Variants in KIDINS220 observed in about 807,000 individuals in gnomAD.
KIDINS220 encodes the protein kinase D-interacting substrate of 220 kDa.
A neutral mutation model predicts 157.6 loss-of-function variants in KIDINS220; 63 were observed. The observed-to-expected ratio is 0.40, with a 90% CI of 0.33 to 0.49. The LOEUF (loss-of-function observed/expected upper bound fraction) is 0.49. Ranked by LOEUF, KIDINS220 falls within the 20% of genes least tolerant of loss-of-function variation. The pLI, the probability that KIDINS220 is intolerant of heterozygous loss-of-function variation, is 0.66. For missense variants in KIDINS220, 1,772 were observed against 2,171.2 expected (o/e 0.82, Z 3.65); for synonymous variants, 732 against 783.6 (o/e 0.93, Z 1.10).
chr2:8,806,673 C>T lies in KIDINS220; in HGVS notation c.505-304G>A, dbSNP rs184134051. On this transcript the variant is annotated intron_variant, in intron 6 of 29. Coordinates refer to ENST00000256707, the MANE Select transcript of KIDINS220 (RefSeq NM_020738.4). ...TTGGCTCACTGCAATCTCTGCCTCCCGGCTCAAGCAATTCTCCTGCCTCAG... is the reference window on the plus strand; with the variant it reads ...TTGGCTCACTGCAATCTCTGCCTCCTGGCTCAAGCAATTCTCCTGCCTCAG... Among the ~76,000 whole-genome samples the T allele has an allele frequency of 2.2e-4, 33 of 152,242 alleles. No homozygotes were observed. In the East Asian group the frequency reaches 5.8e-3, roughly 27 times the overall value.
At position 8,770,799 on chromosome 2, in the gene KIDINS220, T is replaced by G; in HGVS notation, c.2882A>C (p.Asn961Thr). The G allele has an allele frequency of 6.2e-7, 1 of 1,610,670 alleles. No individual in the cohort carries two copies. The highest frequency in any genetic ancestry group is 8.5e-7 in the Non-Finnish European group (1 of 1,178,320). ...RLLRANQISFNWDRLASWINL... is the reference protein window; with the variant it reads ...RLLRANQISFTWDRLASWINL... ...GATCCAGCTAGCAAGCCTGTCCCAG[T>G]TGAAACTAATCTGATTGGCTCTCAG... Residue 961 changes from asparagine to threonine, a missense_variant, in exon 22 of 30, where the codon AAC (asparagine) becomes ACC (threonine). Around this residue, in one of 3 missense-constraint regions of KIDINS220, gnomAD observed 725 missense variants for 1,017.1 expected, o/e 0.71. Coordinates refer to ENST00000256707, the MANE Select transcript of KIDINS220 (RefSeq NM_020738.4).
At chr2:8,803,700 T>G (rs1255293393) in intron 7 of KIDINS220, among the ~76,000 whole-genome samples, 1 of 152,158 alleles carries the variant, frequency 6.6e-6, no homozygotes, top group Non-Finnish European at 1.5e-5. Context: ...TTTTAAAAAT[T>G]GCACATCTAT....
intron 14 of KIDINS220, 76 bp from the exon 15 acceptor site, chr2:8,788,888 CAAGTAAT>C: frequency 7.5e-7 from 1 of 1,340,434 alleles, no homozygotes; most frequent in Non-Finnish European, 1.0e-6. Flanking sequence ...GATCAAGTAT[CAAGTAAT>C]GAGAGCTAAG....
Position 8,812,448 on chromosome 2 carries a change from C to G in KIDINS220, c.451G>C (p.Asp151His), listed in dbSNP as rs747569686. The G allele has an allele frequency of 1.3e-6, 2 of 1,598,846 alleles. No homozygotes were observed. Among genetic ancestry groups the G allele is most frequent in the Admixed American group, 3.4e-5 (2 of 58,088 alleles). Residue 151 changes from aspartate to histidine, a missense_variant, in exon 6 of 30, where the codon GAT (aspartate) becomes CAT (histidine). Physicochemically the swap from Asp to His is moderately conservative, Grantham distance 81. Coordinates refer to ENST00000256707, the MANE Select transcript of KIDINS220 (RefSeq NM_020738.4). ...TTTTGCAGTAAAAGATGAACTATAT[C>G]TGCATGGCCTCTCCCTGCTGCCCAA... ...IIWAAGRGHA[D>H]IVHLLLQNGA...
At position 8,813,281 on chromosome 2, in the gene KIDINS220, C is replaced by G. The variant is rs181372484; in HGVS notation, c.361G>C (p.Glu121Gln). The part of the protein sequence containing the change: ...ACYKGRTDVV[E>Q]LLLSHGANPS... Reference sequence around the variant, plus strand: ...TTGGCACCATGAGAAAGAAGCAACTCTACTACGTCAGTACGGCCTTTGTAA... The same window carrying G: ...TTGGCACCATGAGAAAGAAGCAACTGTACTACGTCAGTACGGCCTTTGTAA... Residue 121 changes from glutamate to glutamine, a missense_variant, in exon 5 of 30, where the codon GAG (glutamate) becomes CAG (glutamine). By Grantham distance (29) the Glu-to-Gln change is conservative (BLOSUM62 2). Around this residue, in one of 3 missense-constraint regions of KIDINS220, gnomAD observed 254 missense variants for 268.6 expected, o/e 0.95. Transcript: ENST00000256707. 2.0e-4 allele frequency: 318 copies of G among 1,613,630 alleles called. 3 individuals are homozygous for G. Among genetic ancestry groups the G allele is most frequent in the Middle Eastern group, 1.2e-3 (7 of 6,060 alleles).
At chr2:8,834,169 T>C (rs1680050356) in intron 1 of KIDINS220, among the ~76,000 whole-genome samples, 1 of 152,104 alleles carries the variant, frequency 6.6e-6, no homozygotes, top group Admixed American at 6.5e-5. Context: ...TGGCAGCGCT[T>C]GCCCCCTCCA....
chr2:8,752,759 T>C (rs1414570360), intron 22 of KIDINS220, among the ~76,000 whole-genome samples: 1 of 152,184 alleles, frequency 6.6e-6, no homozygotes, highest in Non-Finnish European at 1.5e-5. Flanking sequence ...TGTTTCCTAT[T>C]GTAAAAGTAA....
chr2:8,757,932 G>C (rs1245028400), intron 22 of KIDINS220: 1 of 690,154 alleles, frequency 1.4e-6, no homozygotes. Context: ...GTGCAATCTC[G>C]GCTCACTGCA....
chr2:8,727,299 G>A (rs1017115282), downstream of KIDINS220: 40 of 1,040,832 alleles, frequency 3.8e-5, no homozygotes, highest in Admixed American at 4.7e-5. Context: ...AAGGAGGCTC[G>A]ATGCTCAGTC....
chr2:8,750,102 A>C lies in KIDINS220; in HGVS notation c.3414+10T>G, dbSNP rs555395984. ...ATTCTTAAAAATAAAGCTGCCTCCA[A>C]CTTCCTTACCCTGTTGTAGAAGGGA... On this transcript the variant is annotated intron_variant, in intron 24 of 29. Coordinates refer to ENST00000256707, the MANE Select transcript of KIDINS220 (RefSeq NM_020738.4). 6.2e-7 allele frequency: 1 copy of C among 1,605,312 alleles called. No homozygotes were observed. The highest frequency in any genetic ancestry group is 1.3e-5 in the African/African-American group (1 of 74,622).
At chr2:8,770,632 T>C in intron 22 of KIDINS220, 38 bp downstream of exon 22, 3 of 1,201,082 alleles carry the variant, frequency 2.5e-6, no homozygotes, top group East Asian at 2.5e-5. Context: ...TAACTCAACC[T>C]AAAATAAAGT....
intron 2 of KIDINS220, among the ~76,000 whole-genome samples, chr2:8,822,009 C>T (rs766115732): frequency 2.6e-5 from 4 of 152,202 alleles, no homozygotes; most frequent in African/African-American, 4.8e-5. Context: ...CACAGGATTA[C>T]ATTCCACATA....
At chr2:8,789,754 A>G (rs1672927283) in intron 14 of KIDINS220, 126 bp downstream of exon 14, 4 of 788,082 alleles carry the variant, frequency 5.1e-6, no homozygotes, top group Admixed American at 6.8e-5. Context: ...AAAAAGATCA[A>G]TTTTCTCACC....
At chr2:8,779,183 G>C (rs1671366100) in intron 18 of KIDINS220, 44 bp from the exon 19 acceptor site, 1 of 1,595,028 alleles carries the variant, frequency 6.3e-7, no homozygotes, top group African/African-American at 1.3e-5. Context: ...ATTTTAAATT[G>C]TCCAAAAGAA....
At chr2:8,751,716 A>T (rs1329394352) in intron 22 of KIDINS220, 72 bp from the exon 23 acceptor site, 1 of 1,045,680 alleles carries the variant, frequency 9.6e-7, no homozygotes. Flanking sequence ...ATGTCACCTG[A>T]AGTTACTTAT....
At chr2:8,743,608 G>A (rs962969858) in intron 26 of KIDINS220, among the ~76,000 whole-genome samples, 1 of 152,190 alleles carries the variant, frequency 6.6e-6, no homozygotes, top group South Asian at 2.1e-4. Context: ...TGTTCAGGAC[G>A]AACGGGGCAG....
At position 8,733,522 on chromosome 2, in the gene KIDINS220, T is replaced by A. The variant is rs377757996; in HGVS notation, c.3975A>T (p.Thr1325=). 1.2e-6 allele frequency: 2 copies of A among 1,614,056 alleles called. No homozygotes were observed. The highest frequency in any genetic ancestry group is 1.7e-6 in the Non-Finnish European group (2 of 1,180,018). ...HTELSSQTPY[T]LNFSFEELNT... The stretch of plus-strand genomic sequence containing the variant: ...TCAGCTCTTCGAAGCTGAAGTTGAG[T>A]GTGTAGGGCGTCTGGCTGGAGAGCT... Residue 1325 remains threonine (T), a synonymous_variant, in exon 29 of 30, where the codon ACA becomes ACT. Transcript: ENST00000256707.
chr2:8,727,325 A>C, downstream of KIDINS220: 2 of 964,376 alleles, frequency 2.1e-6, no homozygotes, highest in Non-Finnish European at 2.5e-6. Context: ...TGCTGGCCAA[A>C]GAAGTTAACT....
chr2:8,835,537 C>T (rs934278267), intron 1 of KIDINS220, among the ~76,000 whole-genome samples: 5 of 151,278 alleles, frequency 3.3e-5, no homozygotes, highest in Non-Finnish European at 7.4e-5. Context: ...CAGATATGAA[C>T]AGAAAAGAGA....
Sources: allele counts gnomAD v4.1 joint callset (sites outside exome capture counted in the v4.1 genomes callset), GRCh38; gene constraint gnomAD v4.1.1; regional missense constraint gnomAD v4.1.1; transcripts MANE v1.5; gene names NCBI Gene and HGNC (gene_info 2026-07-23, HGNC 2026-07-21).